CCDC88C: variants seen among roughly 807,000 people sequenced by gnomAD.
CCDC88C encodes the protein coiled-coil and HOOK domain protein 88C, also known as protein Daple.
In CCDC88C, 131 loss-of-function variants were observed where a neutral mutation model predicts 198.8. The ratio of observed to expected loss-of-function variants is 0.66; its 90% CI spans 0.57 to 0.76. The LOEUF (loss-of-function observed/expected upper bound fraction) is 0.76, where lower values mean the gene tolerates loss of function less well. Among genes scored for constraint, CCDC88C ranks in the 30% least tolerant of loss-of-function variants. The pLI, the probability that CCDC88C is intolerant of heterozygous loss-of-function variation, is 0.00. For missense variants in CCDC88C, 2,553 were observed against 2,631.6 expected, an observed-to-expected ratio of 0.97 and a Z score of 0.65; for synonymous variants, 1,166 against 1,114.7, an observed-to-expected ratio of 1.05 and a Z score of -0.92.
rs1889762312 is a variant in CCDC88C, at chr14:91,272,171, C to A, written c.*454G>T. On this transcript the variant is annotated 3_prime_UTR_variant, in exon 30 of 30. Coordinates refer to ENST00000389857, the MANE Select transcript of CCDC88C (RefSeq NM_001080414.4). Reference sequence around the variant, plus strand: ...GTAGTATCGCCAGTCTGGGCTTCTCCTGGGATCCAGTGGCCTTGGGAGAGG... The same window carrying A: ...GTAGTATCGCCAGTCTGGGCTTCTCATGGGATCCAGTGGCCTTGGGAGAGG... 1 of 160,532 alleles carries A rather than the reference C, an allele frequency of 6.2e-6. No homozygotes were observed. The highest frequency in any genetic ancestry group is 2.4e-5 in the African/African-American group (1 of 41,552). 9.9% of individuals were successfully genotyped at this position (160,532 alleles called of 1,614,324 possible).
At chr14:91,392,520 G>A (rs373554889) in intron 3 of CCDC88C, among the ~76,000 whole-genome samples, 153 of 152,244 alleles carry the variant, frequency 1.0e-3, no homozygotes, top group African/African-American at 3.3e-3. Flanking sequence ...AGATCAAAAG[G>A]CTTGTCAAAG....
chr14:91,383,174 G>A lies in CCDC88C; in HGVS notation c.271-23463C>T, dbSNP rs150350795. On this transcript the variant is annotated intron_variant, in intron 3 of 29. Transcript: ENST00000389857. ...TCTCCTCACCATCTGTAGACTTGGA[G>A]CTGGGGAAGCTGCTTCTCAAAGGTA... Among the ~76,000 whole-genome samples the A allele has an allele frequency of 1.3e-3, 195 of 152,340 alleles. 3 individuals carry two copies. The highest frequency in any genetic ancestry group is 4.4e-3 in the African/African-American group (181 of 41,572).
Position 91,352,002 on chromosome 14 carries a change from C to T in CCDC88C, c.340+7640G>A, listed in dbSNP as rs533472357. Among the ~76,000 whole-genome samples the T allele has an allele frequency of 6.6e-6, 1 of 152,346 alleles. No homozygotes were observed. The highest frequency in any genetic ancestry group is 2.1e-4 in the South Asian group (1 of 4,828). On this transcript the variant is annotated intron_variant, in intron 4 of 29. Coordinates refer to ENST00000389857, the MANE Select transcript of CCDC88C (RefSeq NM_001080414.4). This position sits in a 1 kb window ranked among gnomAD's most constrained non-coding sequence, Gnocchi z 4.2. Reference sequence around the variant, plus strand: ...TGAAGACCAGAAAAGCAGAATCAGCCACAAGCCTGCAGCTTGAGACTCAAG... The same window carrying T: ...TGAAGACCAGAAAAGCAGAATCAGCTACAAGCCTGCAGCTTGAGACTCAAG...
At chr14:91,318,109 C>T (rs1030649134) in intron 13 of CCDC88C, among the ~76,000 whole-genome samples, 2 of 152,178 alleles carry the variant, frequency 1.3e-5, no homozygotes, top group Non-Finnish European at 2.9e-5. Context: ...CGTGCTAGGC[C>T]CACATGAATC....
chr14:91,380,903 C>G (rs1461250144), intron 3 of CCDC88C, among the ~76,000 whole-genome samples: 3 of 152,186 alleles, frequency 2.0e-5, no homozygotes. Flanking sequence ...AACCACCAGC[C>G]AAGGAGAATG....
rs138142901 is a variant in CCDC88C at position 91,417,275 on chromosome 14, G to A, written c.60+356C>T. 1.3e-3 allele frequency: 923 copies of A among 688,796 alleles called. 3 individuals are homozygous for A. In the African/African-American group the frequency reaches 0.014, roughly 11 times the overall value. The allele number at this position is 688,796 out of a possible 1,614,324, so 42.7% of individuals were successfully genotyped here. A position where few individuals can be genotyped will look rare whatever the true frequency, so the allele number is the denominator to read the frequency against. ...CATGAGATATTTGGTTGGGAAGAAT[G>A]GGGTCCTTTTCGGGAGTGGCTAAAC... On this transcript the variant is annotated intron_variant, in intron 1 of 29. Transcript: ENST00000389857.
At position 91,272,652 on chromosome 14, in the gene CCDC88C, G is replaced by A. The variant is rs367661539; in HGVS notation, c.6060C>T (p.Thr2020=). Residue 2020 remains threonine, a synonymous_variant, in exon 30 of 30, where the codon ACC becomes ACT. Transcript: ENST00000389857. ...ASPEPGGDPQ[T]VWYEYGCV is the part of the protein sequence containing the mutation. ...ACACACAGCCGTACTCATACCACAC[G>A]GTCTGCGGATCCCCGCCGGGCTCCG... 22 of 1,611,100 alleles carry A rather than the reference G, an allele frequency of 1.4e-5. No homozygotes were observed. Among genetic ancestry groups the A allele is most frequent in the African/African-American group, 2.7e-5 (2 of 74,932 alleles).
At position 91,278,061 on chromosome 14, in the gene CCDC88C, G is replaced by T; in HGVS notation, c.4919C>A (p.Pro1640His). Residue 1640 changes from proline (P) to histidine (H), a missense_variant, in exon 29 of 30, where the codon CCT becomes CAT. By Grantham distance (77) the Pro-to-His change is moderately conservative (BLOSUM62 -2). Around this residue, in one of 2 missense-constraint regions of CCDC88C, gnomAD observed 1,293 missense variants for 1,219.6 expected, o/e 1.06. Transcript: ENST00000389857. ...CTTCTGGGCACCCTCCTGTGGGAGA[G>T]GCCCGTTCCGAGGCAAGGGGTACTC... ...RHEYPLPRNG[P>H]LPQEGAQKRG... 1 of 1,611,172 alleles carries T rather than the reference G, an allele frequency of 6.2e-7. No individual in the cohort carries two copies. The highest frequency in any genetic ancestry group is 8.5e-7 in the Non-Finnish European group (1 of 1,178,880).
At chr14:91,279,501 A>T (rs1356361419) in intron 27 of CCDC88C, 195 bp from the exon 28 acceptor site, 8 of 531,056 alleles carry the variant, frequency 1.5e-5, no homozygotes, top group Non-Finnish European at 2.7e-5. Context: ...TGCTGGGCAC[A>T]GCACAAGCAG....
chr14:91,295,831 A>G (rs1305692391), intron 22 of CCDC88C, among the ~76,000 whole-genome samples: 2 of 152,192 alleles, frequency 1.3e-5, no homozygotes, highest in African/African-American at 2.4e-5. Context: ...ATTTGGAGAC[A>G]GGGTCCATAA....
Position 91,271,596 on chromosome 14 carries a change from G to A in CCDC88C, c.*1029C>T, listed in dbSNP as rs570165595. 1 of 152,310 alleles carries A rather than the reference G, an allele frequency of 6.6e-6. No individual in the cohort carries two copies. Among genetic ancestry groups the A allele is most frequent in the Non-Finnish European group, 1.5e-5 (1 of 68,038 alleles). 9.4% of individuals were successfully genotyped at this position (152,310 alleles called of 1,614,324 possible). A position where few individuals can be genotyped will look rare whatever the true frequency, so the allele number is the denominator to read the frequency against. On this transcript the variant is annotated 3_prime_UTR_variant, in exon 30 of 30. Coordinates refer to ENST00000389857, the MANE Select transcript of CCDC88C (RefSeq NM_001080414.4). Reference sequence around the variant, plus strand: ...AAAGCAGCAGATAAGATTCCCGACAGAAGAGAGTGACTCCCACTGGAACAT... The same window carrying A: ...AAAGCAGCAGATAAGATTCCCGACAAAAGAGAGTGACTCCCACTGGAACAT...
Position 91,360,252 on chromosome 14 carries a change from TCA to T in CCDC88C, c.271-543_271-542del, listed in dbSNP as rs57026211. On this transcript the variant is annotated intron_variant, in intron 3 of 29. Coordinates refer to ENST00000389857, the MANE Select transcript of CCDC88C (RefSeq NM_001080414.4). ...TGGGCAACATAGCAAGACCCCATCT[TCA>T]CACACACACACACACACACACACAC... 6.0e-3 allele frequency among the ~76,000 whole-genome samples: 871 copies of T among 144,300 alleles called. 8 individuals are homozygous for T. The highest frequency in any genetic ancestry group is 0.031 in the South Asian group (136 of 4,392). The allele number at this position is 144,300 out of a possible 152,430, so 94.7% of individuals were successfully genotyped here. A position where few individuals can be genotyped will look rare whatever the true frequency, so the allele number is the denominator to read the frequency against.
chr14:91,370,849 A>C (rs1894762522), intron 3 of CCDC88C, among the ~76,000 whole-genome samples: 1 of 152,208 alleles, frequency 6.6e-6, no homozygotes, highest in Admixed American at 6.5e-5. Context: ...GAGTCAGGAA[A>C]CTGAGGTCCG....
At chr14:91,398,568 G>A (rs562760371) in intron 3 of CCDC88C, among the ~76,000 whole-genome samples, 16 of 152,146 alleles carry the variant, frequency 1.1e-4, no homozygotes, top group Non-Finnish European at 2.2e-4. Context: ...GAGGCTGGAG[G>A]ATTGCTTGAG....
chr14:91,306,023 G>C, intron 18 of CCDC88C, 97 bp from the exon 19 acceptor site: 2 of 1,291,532 alleles, frequency 1.5e-6, no homozygotes, highest in Non-Finnish European at 2.2e-6. Flanking sequence ...AAAAGTTGAT[G>C]TTTTGGGGGC....
At chr14:91,342,611 C>G in intron 5 of CCDC88C, 148 bp from the exon 6 acceptor site, 1 of 665,098 alleles carries the variant, frequency 1.5e-6, no homozygotes, top group Non-Finnish European at 2.8e-6. Context: ...CTCCTACCAG[C>G]CTTACACTGA....
intron 1 of CCDC88C, 120 bp downstream of exon 1, chr14:91,417,511 G>T: frequency 2.5e-6 from 2 of 804,866 alleles, no homozygotes; most frequent in Non-Finnish European, 1.9e-6. Flanking sequence ...GCCACTTGCT[G>T]CGTCCCTCGC....
chr14:91,285,345 T>C (rs1000883239), intron 25 of CCDC88C: 1 of 434,446 alleles, frequency 2.3e-6, no homozygotes, highest in African/African-American at 2.0e-5. Flanking sequence ...GGGCAAAACA[T>C]AAGCTCGCAG....
rs1033762084 is a variant in CCDC88C at position 91,284,676 on chromosome 14, A to G, written c.4442-1159T>C. On this transcript the variant is annotated intron_variant, in intron 25 of 29. Transcript: ENST00000389857. This position sits in a 1 kb window ranked among gnomAD's most constrained non-coding sequence, Gnocchi z 4.1. ...GCTCATGAGATGAAGTCAGTGGCACATTAACCGACTCTCATATTTTAGTAA... is the reference window on the plus strand; with the variant it reads ...GCTCATGAGATGAAGTCAGTGGCACGTTAACCGACTCTCATATTTTAGTAA... Among the ~76,000 whole-genome samples, 9 of 152,342 alleles carry G rather than the reference A, an allele frequency of 5.9e-5. No individual in the cohort carries two copies. The highest frequency in any genetic ancestry group is 6.8e-3 in the Middle Eastern group (2 of 294).
Sources: allele counts gnomAD v4.1 joint callset (sites outside exome capture counted in the v4.1 genomes callset), GRCh38; gene constraint gnomAD v4.1.1; regional missense constraint gnomAD v4.1.1; non-coding constraint Gnocchi (gnomAD v3.1); transcripts MANE v1.5; gene names NCBI Gene and HGNC (gene_info 2026-07-23, HGNC 2026-07-21).